PLCB1: variants seen among roughly 807,000 people sequenced by gnomAD.
PLCB1 encodes the protein 1-phosphatidylinositol 4,5-bisphosphate phosphodiesterase beta-1.
A neutral mutation model predicts 161.8 loss-of-function variants in PLCB1; 46 were observed. The ratio of observed to expected loss-of-function variants is 0.28; its 90% CI spans 0.22 to 0.36. The LOEUF (loss-of-function observed/expected upper bound fraction) is 0.36, where lower values mean the gene tolerates loss of function less well. Among genes scored for constraint, PLCB1 ranks in the 10% least tolerant of loss-of-function variants. The pLI is 1.00. For synonymous variants in PLCB1, 517 were observed against 503.7 expected, an observed-to-expected ratio of 1.03 and a Z score of -0.35; for missense variants, 1,016 against 1,472.5, an observed-to-expected ratio of 0.69 and a Z score of 5.07.
chr20:8,360,983 G>A (rs147725527), intron 2 of PLCB1, among the ~76,000 whole-genome samples: 110 of 152,278 alleles, frequency 7.2e-4, no homozygotes, highest in African/African-American at 2.3e-3. Flanking sequence ...GATAAATGCC[G>A]TCTATCTATA....
chr20:8,391,559 C>A (rs73090212), intron 3 of PLCB1, among the ~76,000 whole-genome samples: 6 of 151,942 alleles, frequency 3.9e-5, no homozygotes, highest in Non-Finnish European at 7.4e-5. Flanking sequence ...CTCCAGTGCA[C>A]TTATTAGCTG....
chr20:8,406,517 G>T (rs1284675362), intron 3 of PLCB1, among the ~76,000 whole-genome samples: 1 of 152,108 alleles, frequency 6.6e-6, no homozygotes. Flanking sequence ...GGAAAGTGAG[G>T]TTCACTATCT....
chr20:8,184,769 T>TTTATTA (rs57793768), intron 2 of PLCB1, among the ~76,000 whole-genome samples: 43,839 of 141,304 alleles, frequency 0.31, 7,383 homozygotes, highest in Non-Finnish European at 0.38. Context: ...TGGCAATACC[T>TTTATTA]TTATTATTAT....
chr20:8,303,341 C>A (rs2123323754), intron 2 of PLCB1, among the ~76,000 whole-genome samples: 1 of 152,226 alleles, frequency 6.6e-6, no homozygotes, highest in East Asian at 1.9e-4. Context: ...CTTAAAACTA[C>A]CAGAAGAGAT....
chr20:8,303,780 G>C (rs1233396114), intron 2 of PLCB1, among the ~76,000 whole-genome samples: 3 of 152,126 alleles, frequency 2.0e-5, no homozygotes, highest in Non-Finnish European at 4.4e-5. Flanking sequence ...ACGACAGGGG[G>C]CTCTTCAAAT....
intron 3 of PLCB1, among the ~76,000 whole-genome samples, chr20:8,452,433 A>G (rs1981113899): frequency 6.6e-6 from 1 of 152,228 alleles, no homozygotes; most frequent in African/African-American, 2.4e-5. Context: ...GCCATTAGTT[A>G]ATTGTCATCA....
At chr20:8,478,040 A>C (rs1982352800) in intron 3 of PLCB1, among the ~76,000 whole-genome samples, 1 of 152,208 alleles carries the variant, frequency 6.6e-6, no homozygotes, top group Admixed American at 6.5e-5. Context: ...TATCTGAAGG[A>C]AATTTAATCA....
intron 3 of PLCB1, among the ~76,000 whole-genome samples, chr20:8,574,895 G>C (rs911444970): frequency 2.7e-5 from 4 of 149,568 alleles, no homozygotes; most frequent in Non-Finnish European, 5.9e-5. Flanking sequence ...CTGATAGTTA[G>C]AAGTCGAGTC....
At chr20:8,605,592 T>C (rs1030788859) in intron 3 of PLCB1, among the ~76,000 whole-genome samples, 2 of 151,270 alleles carry the variant, frequency 1.3e-5, no homozygotes, top group African/African-American at 2.4e-5. Context: ...TTAACATGTA[T>C]TTTATGTTTG....
intron 3 of PLCB1, among the ~76,000 whole-genome samples, chr20:8,609,270 C>T (rs1175768624): frequency 6.6e-6 from 1 of 152,136 alleles, no homozygotes; most frequent in Non-Finnish European, 1.5e-5. Flanking sequence ...AATAGATTGA[C>T]TTATGTCATA....
intron 31 of PLCB1, among the ~76,000 whole-genome samples, chr20:8,810,035 G>A (rs2146250793): frequency 6.6e-6 from 1 of 152,272 alleles, no homozygotes; most frequent in African/African-American, 2.4e-5. Context: ...TTATGTAGCA[G>A]TAAGTGAAAT....
intron 31 of PLCB1, among the ~76,000 whole-genome samples, chr20:8,825,531 C>T (rs1985650934): frequency 6.6e-6 from 1 of 152,102 alleles, no homozygotes; most frequent in Admixed American, 6.5e-5. Flanking sequence ...GTGCAAGGAA[C>T]TGAAGAGTCA....
At chr20:8,579,002 A>C (rs545975401) in intron 3 of PLCB1, among the ~76,000 whole-genome samples, 1 of 152,340 alleles carries the variant, frequency 6.6e-6, no homozygotes, top group South Asian at 2.1e-4. Context: ...TAGAATATTA[A>C]TCTTGTTTGT....
chr20:8,371,529 A>G, intron 3 of PLCB1, 79 bp downstream of exon 3: 1 of 967,268 alleles, frequency 1.0e-6, no homozygotes, highest in East Asian at 2.4e-5. Context: ...TAATTGCCCC[A>G]ATTAAAAGTT....
chr20:8,649,736 C>T, intron 7 of PLCB1: 1 of 423,622 alleles, frequency 2.4e-6, no homozygotes, highest in Non-Finnish European at 4.3e-6. Flanking sequence ...AAGACTTTTG[C>T]CAGATGTGCC....
chr20:8,523,107 G>C (rs1013776171), intron 3 of PLCB1, among the ~76,000 whole-genome samples: 26 of 152,094 alleles, frequency 1.7e-4, no homozygotes, highest in Admixed American at 2.6e-4. Context: ...GATGAACTGA[G>C]AGCTTGTATC....
intron 2 of PLCB1, among the ~76,000 whole-genome samples, chr20:8,352,532 A>G (rs1039916950): frequency 6.6e-6 from 1 of 152,126 alleles, no homozygotes; most frequent in East Asian, 1.9e-4. Flanking sequence ...AATATATTCA[A>G]ATATTAGAAA....
chr20:8,582,165 T>G (rs1175513538), intron 3 of PLCB1, among the ~76,000 whole-genome samples: 1 of 152,194 alleles, frequency 6.6e-6, no homozygotes, highest in East Asian at 1.9e-4. Context: ...ATTGTGGGGA[T>G]AGCCCAATGT....
chr20:8,309,068 G>T (rs968749126), intron 2 of PLCB1, among the ~76,000 whole-genome samples: 1 of 151,932 alleles, frequency 6.6e-6, no homozygotes, highest in East Asian at 1.9e-4. Flanking sequence ...ATCATCAACT[G>T]TTAGCGCTGG....
Sources: gnomAD v4.1 joint callset for allele counts (sites outside exome capture counted in the v4.1 genomes callset) on GRCh38, gnomAD v4.1.1 for gene constraint, MANE v1.5 for transcripts, NCBI Gene and HGNC (gene_info 2026-07-23, HGNC 2026-07-21) for gene names.